The following CUBN variants were observed in gnomAD, a reference collection of about 807,000 sequenced individuals.
The protein encoded by CUBN is 460 kDa receptor.
CUBN carries 282 observed loss-of-function variants against 405.3 expected under a neutral mutation model. The observed-to-expected ratio is 0.70, with a 90% CI of 0.63 to 0.77. CUBN has a LOEUF of 0.77. CUBN is among the 30% of genes least tolerant of loss of function. The pLI is 0.00. For missense variants in CUBN, 4,514 were observed against 4,475.2 expected (o/e 1.01, Z -0.25); for synonymous variants, 1,684 against 1,617.0 (o/e 1.04, Z -0.99).
chr10:17,074,932 G>T (rs1221449983), intron 17 of CUBN, among the ~76,000 whole-genome samples: 1 of 151,834 alleles, frequency 6.6e-6, no homozygotes, highest in Non-Finnish European at 1.5e-5. Flanking sequence ...AGAACCACTG[G>T]GTTAACCAAA....
intron 43 of CUBN, among the ~76,000 whole-genome samples, chr10:16,920,616 G>T (rs1222588310): frequency 6.6e-6 from 1 of 152,160 alleles, no homozygotes; most frequent in Non-Finnish European, 1.5e-5. Context: ...TCAGGATTTA[G>T]ATGCATTTGA....
At position 17,047,571 on chromosome 10, in the gene CUBN, T is replaced by A. The variant is rs1395500734; in HGVS notation, c.3172A>T (p.Thr1058Ser). 3.7e-6 allele frequency: 6 copies of A among 1,614,066 alleles called. No homozygotes were observed. In the East Asian group the frequency reaches 1.3e-4, roughly 36 times the overall value. Residue 1058 changes from threonine to serine, a missense_variant, in exon 23 of 67, where the codon ACA (threonine) becomes TCA (serine). Thr to Ser is a moderately conservative substitution (Grantham distance 58). Transcript: ENST00000377833. The stretch of plus-strand genomic sequence containing the variant: ...TTGGGGAAGTTTGGAGAAGTGAATG[T>A]CCCCAAATCATCTGTGTAGTCTTGC... ...CLQDYTDDLG[T>S]FTSPNFPNNY...
At chr10:16,856,064 T>C (rs1356274422) in intron 59 of CUBN, among the ~76,000 whole-genome samples, 2 of 152,176 alleles carry the variant, frequency 1.3e-5, no homozygotes, top group African/African-American at 4.8e-5. Context: ...TGGGGGAATA[T>C]AAACAAGGGC....
chr10:16,943,395 G>C (rs1487547459), intron 36 of CUBN, among the ~76,000 whole-genome samples: 1 of 152,074 alleles, frequency 6.6e-6, no homozygotes, highest in African/African-American at 2.4e-5. Flanking sequence ...TGTCTCCTTT[G>C]ACAATCTGAT....
intron 7 of CUBN, 147 bp downstream of exon 7, chr10:17,115,324 C>T (rs1836867709): frequency 2.3e-6 from 2 of 863,944 alleles, no homozygotes; most frequent in Non-Finnish European, 3.8e-6. Context: ...AGTTCATCTC[C>T]CCTCCTCGCC....
At chr10:16,859,516 T>G (rs920779614) in intron 59 of CUBN, among the ~76,000 whole-genome samples, 2 of 152,158 alleles carry the variant, frequency 1.3e-5, no homozygotes, top group African/African-American at 4.8e-5. Context: ...TCCCCAGTTA[T>G]AGAAAGCAAT....
At chr10:17,058,054 G>A (rs1037712489) in intron 22 of CUBN, among the ~76,000 whole-genome samples, 1 of 151,950 alleles carries the variant, frequency 6.6e-6, no homozygotes, top group East Asian at 1.9e-4. Flanking sequence ...CCTGGGAGGC[G>A]GAGGTAGCAG....
In CUBN at chr10:17,084,582, T is replaced by G; in HGVS notation, c.2111-121A>C. Reference sequence around the variant, plus strand: ...CACACACAAGCACATATCCATTTTATTCACCCTCTATAGGCTTGTGCCTCT... The same window carrying G: ...CACACACAAGCACATATCCATTTTAGTCACCCTCTATAGGCTTGTGCCTCT... On this transcript the variant is annotated intron_variant, in intron 16 of 66. Coordinates refer to ENST00000377833, the MANE Select transcript of CUBN (RefSeq NM_001081.4). 3 of 825,160 alleles carry G rather than the reference T, an allele frequency of 3.6e-6. No individual in the cohort carries two copies. The Admixed American group carries it at 6.0e-5, about 16-fold the overall frequency. 51.1% of individuals were successfully genotyped at this position (825,160 alleles called of 1,614,324 possible).
At chr10:16,909,234 G>A (rs906656431) in intron 48 of CUBN, among the ~76,000 whole-genome samples, 14 of 152,132 alleles carry the variant, frequency 9.2e-5, no homozygotes, top group African/African-American at 3.1e-4. Context: ...TTAGCTCTCT[G>A]GGGGCTTCTG....
At chr10:16,867,390 C>T (rs545142470) in intron 59 of CUBN, among the ~76,000 whole-genome samples, 2 of 152,298 alleles carry the variant, frequency 1.3e-5, no homozygotes, top group East Asian at 1.9e-4. Context: ...CCCCTCTCCT[C>T]ACTACAAACA....
At chr10:16,990,048 G>A (rs1365072058) in intron 29 of CUBN, among the ~76,000 whole-genome samples, 1 of 152,210 alleles carries the variant, frequency 6.6e-6, no homozygotes, top group African/African-American at 2.4e-5. Flanking sequence ...GGCTCCCTCT[G>A]CTGGTTCCCC....
chr10:17,073,681 G>C (rs992544722), intron 17 of CUBN, among the ~76,000 whole-genome samples: 34 of 150,902 alleles, frequency 2.3e-4, no homozygotes, highest in African/African-American at 7.7e-4. Flanking sequence ...CCCAATCTCA[G>C]GTGATCCACC....
chr10:17,041,011 A>T, intron 27 of CUBN, 22 bp downstream of exon 27: 1 of 1,603,924 alleles, frequency 6.2e-7, no homozygotes, highest in Non-Finnish European at 8.5e-7. Context: ...AGCAGTGATC[A>T]ATCAAGCTTT....
intron 30 of CUBN, 111 bp downstream of exon 30, chr10:16,983,994 G>T: frequency 2.5e-6 from 3 of 1,202,258 alleles, no homozygotes; most frequent in South Asian, 1.2e-5. Context: ...CTGCCCTTTG[G>T]GATGTCACTA....
intron 56 of CUBN, among the ~76,000 whole-genome samples, chr10:16,878,573 T>C (rs1286401427): frequency 2.0e-5 from 3 of 152,186 alleles, no homozygotes; most frequent in Admixed American, 2.0e-4. Flanking sequence ...AAGACTATTT[T>C]TCAGGTTACC....
In CUBN at chr10:16,906,221, C is replaced by T; in HGVS notation, c.7894G>A (p.Val2632Ile). Residue 2632 changes from valine to isoleucine, a missense_variant, in exon 50 of 67, where the codon GTC becomes ATC. Around this residue, in one of 5 missense-constraint regions of CUBN, gnomAD observed 25 missense variants for 48.5 expected, o/e 0.52. Coordinates refer to ENST00000377833, the MANE Select transcript of CUBN (RefSeq NM_001081.4). ...LESHQDCQFD[V>I]LEFRVGDADG... ...AACTCACCCACTCGAAACTCGAGGA[C>T]ATCAAATTGACAGTCTTGGTGACTT... is the stretch of plus-strand genomic sequence containing the variant. 1.9e-6 allele frequency: 3 copies of T among 1,613,260 alleles called. No homozygotes were observed. Among genetic ancestry groups the T allele is most frequent in the Non-Finnish European group, 2.5e-6 (3 of 1,179,154 alleles).
At chr10:16,892,047 T>TCACCCA (rs1204579503) in intron 54 of CUBN, among the ~76,000 whole-genome samples, 2 of 152,206 alleles carry the variant, frequency 1.3e-5, no homozygotes, top group Non-Finnish European at 2.9e-5. Context: ...AGGATATTCC[T>TCACCCA]CACCCACAGC....
intron 22 of CUBN, among the ~76,000 whole-genome samples, chr10:17,056,991 G>A (rs555397088): frequency 5.3e-5 from 8 of 152,246 alleles, no homozygotes; most frequent in South Asian, 4.2e-4. Flanking sequence ...AAAACCATCA[G>A]ATACTGCTAT....
rs915452419 is a variant in CUBN, at chr10:16,937,639, C to A, written c.5879G>T (p.Trp1960Leu). The A allele has an allele frequency of 6.2e-7, 1 of 1,614,008 alleles. No individual in the cohort carries two copies. The change falls in exon 39 of 67, where the codon TGG (tryptophan) becomes TTG (leucine). Residue 1960 changes from tryptophan to leucine, a missense_variant. Trp to Leu is a moderately conservative substitution (Grantham distance 61). Coordinates refer to ENST00000377833, the MANE Select transcript of CUBN (RefSeq NM_001081.4). ...SISGKGFLLE[W>L]FAVDAPDGVL... ...ACCATCAGGTGCATCCACTGCAAAC[C>A]ACTCCAGAAGGAATCCCTTCCCTGA...
Sources: allele counts gnomAD v4.1 joint callset (sites outside exome capture counted in the v4.1 genomes callset), GRCh38; gene constraint gnomAD v4.1.1; regional missense constraint gnomAD v4.1.1; transcripts MANE v1.5; gene names NCBI Gene and HGNC (gene_info 2026-07-23, HGNC 2026-07-21).